The following RC3H2 variants were observed in gnomAD, a reference collection of about 807,000 sequenced individuals.
RC3H2 encodes ring finger and CCCH-type domains 2, also known as roquin-2.
A neutral mutation model predicts 133.3 loss-of-function variants in RC3H2; 31 were observed. The observed-to-expected ratio is 0.23, with a 90% CI of 0.17 to 0.31. The LOEUF is 0.31. RC3H2 is among the 10% of genes least tolerant of loss of function. The pLI is 1.00. For missense variants in RC3H2, 1,175 were observed against 1,437.2 expected (o/e 0.82, Z 2.95); for synonymous variants, 517 against 502.2 (o/e 1.03, Z -0.40).
chr9:122,860,114 G>A lies in RC3H2; in HGVS notation c.1652C>T (p.Pro551Leu). Residue 551 changes from proline to leucine, a missense_variant, in exon 11 of 21, where the codon CCC becomes CTC. This residue lies in a region of RC3H2 where 490 missense variants were observed against 492.8 expected (regional missense o/e 0.99). Coordinates refer to ENST00000357244, the MANE Select transcript of RC3H2 (RefSeq NM_001100588.3). Reference sequence around the variant, plus strand: ...TGCTACATTACTTACAGGAGTCTTGGGTGGAGAACCAATTTTACTGGAGAG... The same window carrying A: ...TGCTACATTACTTACAGGAGTCTTGAGTGGAGAACCAATTTTACTGGAGAG... ...SVTENKIGSP[P>L]KTPVSNVAAT... is the part of the protein sequence containing the mutation. 2 of 1,613,908 alleles carry A rather than the reference G, an allele frequency of 1.2e-6. No homozygotes were observed. Among genetic ancestry groups the A allele is most frequent in the Non-Finnish European group, 1.7e-6 (2 of 1,179,896 alleles).
chr9:122,880,340 G>C (rs750714442), intron 6 of RC3H2: 1 of 781,030 alleles, frequency 1.3e-6, no homozygotes, highest in Non-Finnish European at 2.2e-6. Flanking sequence ...TTAACTCTCT[G>C]AGGTCAGAAT....
In RC3H2 at chr9:122,885,680, T is replaced by C. The variant is rs531570582; in HGVS notation, c.584-2301A>G. Among the ~76,000 whole-genome samples the C allele has an allele frequency of 1.6e-4, 25 of 152,284 alleles. 1 individual carries two copies. The highest frequency in any genetic ancestry group is 6.8e-3 in the Middle Eastern group (2 of 294). Reference sequence around the variant, plus strand: ...TTAAAAATTGAGATAAAATTAACCATTTTAACCACATAATTCAGTGGTATT... The same window carrying C: ...TTAAAAATTGAGATAAAATTAACCACTTTAACCACATAATTCAGTGGTATT... On this transcript the variant is annotated intron_variant, in intron 4 of 20. Transcript: ENST00000357244.
intron 9 of RC3H2, among the ~76,000 whole-genome samples, chr9:122,865,909 T>C (rs1830627707): frequency 6.6e-6 from 1 of 152,200 alleles, no homozygotes; most frequent in Admixed American, 6.5e-5. Flanking sequence ...GTATTTTTTT[T>C]TCCCCTCATG....
rs892151670 is a variant in RC3H2 at position 122,877,508 on chromosome 9, T to C, written c.1288A>G (p.Asn430Asp). The change falls in exon 9 of 21, where the codon AAT becomes GAT. Residue 430 changes from asparagine to aspartate, a missense_variant. Asn to Asp is a conservative substitution (Grantham distance 23). Coordinates refer to ENST00000357244, the MANE Select transcript of RC3H2 (RefSeq NM_001100588.3). ...RQQGGCPRGT[N>D]CTFAHSQEEL... ...TCCTGAGAATGGGCAAATGTACAAT[T>C]TGTTCCTCGTGGACAACCCCCTTGC... 6.2e-7 allele frequency: 1 copy of C among 1,614,178 alleles called. No homozygotes were observed. Among genetic ancestry groups the C allele is most frequent in the African/African-American group, 1.3e-5 (1 of 75,056 alleles).
intron 9 of RC3H2, among the ~76,000 whole-genome samples, chr9:122,876,078 A>C (rs1387569605): frequency 1.3e-5 from 2 of 152,234 alleles, no homozygotes; most frequent in African/African-American, 4.8e-5. Context: ...TTGGATCACA[A>C]GGATGGAAAG....
At chr9:122,889,233 A>C (rs1832061372) in intron 4 of RC3H2, among the ~76,000 whole-genome samples, 2 of 152,160 alleles carry the variant, frequency 1.3e-5, no homozygotes, top group African/African-American at 4.8e-5. Context: ...GTCAAATATC[A>C]GTTTCTTCCC....
At position 122,865,527 on chromosome 9, in the gene RC3H2, T is replaced by C. The variant is rs1170389132; in HGVS notation, c.1456A>G (p.Thr486Ala). 3.7e-6 allele frequency: 6 copies of C among 1,614,100 alleles called. No individual in the cohort carries two copies. The highest frequency in any genetic ancestry group is 5.1e-6 in the Non-Finnish European group (6 of 1,180,050). ...TTTGTACTTGGAACAATTTTCCCTGTTGTTTCAGTACTTCCTATGACAGAA... is the reference window on the plus strand; with the variant it reads ...TTTGTACTTGGAACAATTTTCCCTGCTGTTTCAGTACTTCCTATGACAGAA... ...VISVIGSTET[T>A]GKIVPSTNGI... The change falls in exon 10 of 21, where the codon ACA becomes GCA. Residue 486 changes from threonine (T) to alanine (A), a missense_variant. Transcript: ENST00000357244.
chr9:122,878,491 C>T (rs1371346598), intron 8 of RC3H2, among the ~76,000 whole-genome samples: 3 of 151,872 alleles, frequency 2.0e-5, no homozygotes, highest in African/African-American at 4.8e-5. Flanking sequence ...AGGATGGTCT[C>T]GATCTCCTGA....
chr9:122,869,815 C>G (rs962550866), intron 9 of RC3H2, among the ~76,000 whole-genome samples: 2 of 152,132 alleles, frequency 1.3e-5, no homozygotes, highest in African/African-American at 4.8e-5. Context: ...AGTGATCCGC[C>G]TGCCTTGGCC....
Position 122,854,220 on chromosome 9 carries a change from T to G in RC3H2, c.2947A>C (p.Ser983Arg). 1 of 1,613,924 alleles carries G rather than the reference T, an allele frequency of 6.2e-7. No individual in the cohort carries two copies. The highest frequency in any genetic ancestry group is 1.3e-5 in the African/African-American group (1 of 75,068). ...TCAAGGCTCAAAAGGTCCCCAGTAC[T>G]GGAATGCTTTCTATGACCAGATAAA... ...TDLSGHRKHS[S>R]TGDLLSLELQ... Residue 983 changes from serine (S) to arginine (R), a missense_variant, in exon 17 of 21, where the codon AGT (serine) becomes CGT (arginine). Around this residue, in one of 8 missense-constraint regions of RC3H2, gnomAD observed 138 missense variants for 215.0 expected, o/e 0.64. Transcript: ENST00000357244.
chr9:122,898,866 AAC>A (rs1832533904), intron 1 of RC3H2, among the ~76,000 whole-genome samples: 1 of 152,074 alleles, frequency 6.6e-6, no homozygotes. Flanking sequence ...TTCAAGACTT[AAC>A]ATAAGTCTGA....
rs1341756778 is a variant in RC3H2, at chr9:122,860,438, C to CACT, written c.1635-310_1635-308dup. 2.1e-5 allele frequency among the ~76,000 whole-genome samples: 3 copies of CACT among 140,214 alleles called. No homozygotes were observed. In the East Asian group the frequency reaches 6.4e-4, roughly 30 times the overall value. The allele number at this position is 140,214 out of a possible 152,430, so 92.0% of individuals were successfully genotyped here. Reference sequence around the variant, plus strand: ...TTTTTTTTTTTTTGAGACAGGGTGTCACTCTGTCACCCGGGCTGGAGTGCA... The same window carrying CACT: ...TTTTTTTTTTTTTGAGACAGGGTGTCACTACTCTGTCACCCGGGCTGGAGTGCA... On this transcript the variant is annotated intron_variant, in intron 10 of 20. Transcript: ENST00000357244.
chr9:122,898,315 T>C (rs2131506418), intron 1 of RC3H2, among the ~76,000 whole-genome samples: 1 of 152,312 alleles, frequency 6.6e-6, no homozygotes, highest in South Asian at 2.1e-4. Flanking sequence ...TAGCGATTGA[T>C]ATATATAACC....
At chr9:122,885,579 G>T (rs1167778506) in intron 4 of RC3H2, among the ~76,000 whole-genome samples, 1 of 152,126 alleles carries the variant, frequency 6.6e-6, no homozygotes, top group Admixed American at 6.5e-5. Context: ...CAATCTAATA[G>T]AACCAAGGAC....
At chr9:122,899,996 G>A (rs1007339772) in intron 1 of RC3H2, among the ~76,000 whole-genome samples, 1 of 152,028 alleles carries the variant, frequency 6.6e-6, no homozygotes, top group African/African-American at 2.4e-5. Flanking sequence ...TTGGGGTGGG[G>A]GAGTTTCAAC....
intron 20 of RC3H2, among the ~76,000 whole-genome samples, chr9:122,850,680 A>AC (rs1186827046): frequency 6.6e-6 from 1 of 151,142 alleles, no homozygotes; most frequent in Non-Finnish European, 1.5e-5. Context: ...CTTGTGATCC[A>AC]CCCGCCTCAG....
At position 122,851,219 on chromosome 9, in the gene RC3H2, T is replaced by A. The variant is rs1487810211; in HGVS notation, c.3242A>T (p.Asp1081Val). Residue 1081 changes from aspartate (D) to valine (V), a missense_variant, in exon 20 of 21, where the codon GAC (aspartate) becomes GTC (valine). By Grantham distance (152) the Asp-to-Val change is radical. This residue lies in a region of RC3H2 where 220 missense variants were observed against 201.1 expected (regional missense o/e 1.09). Transcript: ENST00000357244. ...TTGAGAACTGATACCAAGCTGTATG[T>A]CCAAGATCTCCTAAGAAAATAAAAT... ...GQSEPIEEILDIQLGISSQND... is the reference protein window; with the variant it reads ...GQSEPIEEILVIQLGISSQND... The A allele has an allele frequency of 1.5e-5, 25 of 1,613,934 alleles. No homozygotes were observed. The highest frequency in any genetic ancestry group is 2.7e-5 in the African/African-American group (2 of 74,926).
intron 4 of RC3H2, among the ~76,000 whole-genome samples, chr9:122,887,033 T>C (rs1456213470): frequency 6.6e-6 from 1 of 152,212 alleles, no homozygotes; most frequent in East Asian, 1.9e-4. Context: ...TTGCCTCACT[T>C]TTAGTAATGC....
chr9:122,868,852 T>C (rs1830899195), intron 9 of RC3H2, among the ~76,000 whole-genome samples: 1 of 9,484 alleles, frequency 1.1e-4, no homozygotes, highest in African/African-American at 2.1e-4. Context: ...TGTGTGTGTG[T>C]GTGTGTGTGT....
Sources: gnomAD v4.1 joint callset for allele counts (sites outside exome capture counted in the v4.1 genomes callset) on GRCh38, gnomAD v4.1.1 for gene constraint, gnomAD v4.1.1 regional missense constraint, MANE v1.5 for transcripts, NCBI Gene and HGNC (gene_info 2026-07-23, HGNC 2026-07-21) for gene names.